RPRD2: variants seen among roughly 807,000 people sequenced by gnomAD.
RPRD2 encodes regulation of nuclear pre-mRNA domain-containing protein 2.
A neutral mutation model predicts 104.4 loss-of-function variants in RPRD2; 12 were observed. The ratio of observed to expected loss-of-function variants is 0.11; its 90% confidence interval spans 0.07 to 0.19. The LOEUF (loss-of-function observed/expected upper bound fraction) is 0.19, where lower values mean the gene tolerates loss of function less well. Ranked by LOEUF, RPRD2 falls within the 10% of genes least tolerant of loss-of-function variation. The pLI is 1.00. For synonymous variants in RPRD2, 714 were observed against 684.9 expected (o/e 1.04, Z -0.66); for missense variants, 1,543 against 1,790.1 (o/e 0.86, Z 2.49).
intron 1 of RPRD2, among the ~76,000 whole-genome samples, chr1:150,399,184 T>G (rs904825463): frequency 6.6e-6 from 1 of 151,902 alleles, no homozygotes; most frequent in Admixed American, 6.6e-5. Context: ...TAATTTTTCT[T>G]TATAGAGAAA....
At chr1:150,368,207 T>TG (rs1389155165) in intron 1 of RPRD2, among the ~76,000 whole-genome samples, 3 of 49,484 alleles carry the variant, frequency 6.1e-5, no homozygotes, top group African/African-American at 1.3e-4. Context: ...TATTTCTTGT[T>TG]TTTTTTTTTT....
intron 2 of RPRD2, among the ~76,000 whole-genome samples, chr1:150,425,614 G>A (rs1665070260): frequency 6.6e-6 from 1 of 151,194 alleles, no homozygotes; most frequent in Admixed American, 6.6e-5. Context: ...TTGCACTCCA[G>A]CCTGGGCAAC....
intron 1 of RPRD2, among the ~76,000 whole-genome samples, chr1:150,390,956 A>T (rs1662019551): frequency 6.6e-6 from 1 of 152,210 alleles, no homozygotes; most frequent in Non-Finnish European, 1.5e-5. Context: ...TACATACTTT[A>T]TAGATAACTG....
At chr1:150,455,350 A>G (rs1239610045) in intron 7 of RPRD2, among the ~76,000 whole-genome samples, 1 of 152,104 alleles carries the variant, frequency 6.6e-6, no homozygotes, top group African/African-American at 2.4e-5. Context: ...AAAAATACAA[A>G]AATTAGCCAG....
intron 1 of RPRD2, among the ~76,000 whole-genome samples, chr1:150,412,519 G>A (rs1238166958): frequency 6.6e-6 from 1 of 152,088 alleles, no homozygotes. Flanking sequence ...TCCTAGAAAA[G>A]GAAAATTCTG....
chr1:150,417,171 C>T (rs587657009), intron 1 of RPRD2, among the ~76,000 whole-genome samples: 3 of 124,174 alleles, frequency 2.4e-5, no homozygotes, highest in African/African-American at 7.7e-5. Context: ...ATGTTCAACT[C>T]ATTTTTTTTT....
chr1:150,377,309 T>C (rs1395181907), intron 1 of RPRD2, among the ~76,000 whole-genome samples: 1 of 149,710 alleles, frequency 6.7e-6, no homozygotes, highest in Admixed American at 6.7e-5. Context: ...AACTTAACAT[T>C]TAGTAAATGG....
intron 2 of RPRD2, among the ~76,000 whole-genome samples, chr1:150,422,184 C>G (rs1664804436): frequency 6.8e-6 from 1 of 146,634 alleles, no homozygotes; most frequent in Non-Finnish European, 1.5e-5. Context: ...TACACACACA[C>G]ACACACAAAA....
intron 1 of RPRD2, among the ~76,000 whole-genome samples, chr1:150,388,493 CCGCG>C (rs1553882545): frequency 2.1e-5 from 3 of 144,998 alleles, no homozygotes; most frequent in Admixed American, 7.4e-5. Context: ...ATATATATAC[CCGCG>C]CACACACACA....
chr1:150,446,135 T>A (rs1666758228), intron 6 of RPRD2, 91 bp from the exon 7 acceptor site: 6 of 858,802 alleles, frequency 7.0e-6, no homozygotes, highest in Non-Finnish European at 1.1e-5. Context: ...AAGAGTATGT[T>A]CACAAAGAGA....
chr1:150,470,479 A>T, intron 10 of RPRD2, 82 bp from the exon 11 acceptor site: 1 of 1,385,806 alleles, frequency 7.2e-7, no homozygotes, highest in East Asian at 2.4e-5. Flanking sequence ...AAAATGAATG[A>T]GAGTATCTGA....
chr1:150,368,205 G>GT (rs10572674), intron 1 of RPRD2, among the ~76,000 whole-genome samples: 19,379 of 112,552 alleles, frequency 0.17, 1,578 homozygotes, highest in East Asian at 0.41. Context: ...CTTATTTCTT[G>GT]TTTTTTTTTT....
chr1:150,376,201 A>G (rs1468401327), intron 1 of RPRD2, among the ~76,000 whole-genome samples: 1 of 152,176 alleles, frequency 6.6e-6, no homozygotes, highest in Non-Finnish European at 1.5e-5. Flanking sequence ...GCTGGGTTTA[A>G]ATTTTACTAG....
At position 150,470,863 on chromosome 1, in the gene RPRD2, C is replaced by T. The variant is rs1297581020; in HGVS notation, c.1915C>T (p.Pro639Ser). 9.3e-6 allele frequency: 15 copies of T among 1,613,858 alleles called. No individual in the cohort carries two copies. In the South Asian group the frequency reaches 1.5e-4, roughly 17 times the overall value. The change falls in exon 11 of 11, where the codon CCT becomes TCT. Residue 639 changes from proline (P) to serine (S), a missense_variant. By Grantham distance (74) the Pro-to-Ser change is moderately conservative. Transcript: ENST00000369068. ...GTTTACAGCTACCCACAATACTAGC[C>T]CTGCTGCCCCACCTACTGAAGTTAC... ...LGFTATHNTSPAAPPTEVTIC... is the reference protein window; with the variant it reads ...LGFTATHNTSSAAPPTEVTIC...
chr1:150,405,379 G>C (rs1553886270), intron 1 of RPRD2, among the ~76,000 whole-genome samples: 3 of 150,622 alleles, frequency 2.0e-5, no homozygotes, highest in Admixed American at 6.7e-5. Context: ...GAAAATACTG[G>C]AAATTTTTAG....
At chr1:150,378,389 C>G (rs1338745011) in intron 1 of RPRD2, among the ~76,000 whole-genome samples, 8 of 152,106 alleles carry the variant, frequency 5.3e-5, no homozygotes, top group African/African-American at 1.7e-4. Context: ...AACAATAGAG[C>G]CAGGTTGCAA....
chr1:150,441,988 A>AT, intron 4 of RPRD2, 30 bp downstream of exon 4: 1 of 1,507,220 alleles, frequency 6.6e-7, no homozygotes, highest in South Asian at 1.2e-5. Flanking sequence ...CTAATATAAA[A>AT]TTACCTCCTC....
In RPRD2 at chr1:150,471,839, A is replaced by C; in HGVS notation, c.2891A>C (p.Asp964Ala). 6.2e-7 allele frequency: 1 copy of C among 1,613,100 alleles called. No homozygotes were observed. Among genetic ancestry groups the C allele is most frequent in the Non-Finnish European group, 8.5e-7 (1 of 1,179,724 alleles). ...HLSLPQKQYPDSPHPVPHRSL... is the reference protein window; with the variant it reads ...HLSLPQKQYPASPHPVPHRSL... ...AGTTTGCCACAGAAGCAGTACCCAG[A>C]CTCTCCTCACCCAGTCCCACATCGT... is the stretch of plus-strand genomic sequence containing the variant. The change falls in exon 11 of 11, where the codon GAC (aspartate) becomes GCC (alanine). Residue 964 changes from aspartate to alanine, a missense_variant. Asp to Ala is a moderately radical substitution (Grantham distance 126). This residue lies in a region of RPRD2 where 880 missense variants were observed against 885.6 expected (regional missense o/e 0.99). Transcript: ENST00000369068. This position sits in a 1 kb window ranked among gnomAD's most constrained non-coding sequence, Gnocchi z 5.3.
At chr1:150,418,439 C>T (rs1197972908) in intron 2 of RPRD2, among the ~76,000 whole-genome samples, 1 of 152,094 alleles carries the variant, frequency 6.6e-6, no homozygotes, top group Admixed American at 6.6e-5. Flanking sequence ...CTGAGTCTTA[C>T]TGAAATTTTT....
Sources: allele counts gnomAD v4.1 joint callset (sites outside exome capture counted in the v4.1 genomes callset), GRCh38; gene constraint gnomAD v4.1.1; regional missense constraint gnomAD v4.1.1; non-coding constraint Gnocchi (gnomAD v3.1); transcripts MANE v1.5; gene names NCBI Gene and HGNC (gene_info 2026-07-23, HGNC 2026-07-21).